Variants in SLC39A14 observed in about 807,000 individuals in gnomAD.
SLC39A14 encodes the protein metal cation symporter ZIP14.
A neutral mutation model predicts 45.5 loss-of-function variants in SLC39A14; 19 were observed. That is an observed-to-expected ratio of 0.42 (90% CI 0.29 to 0.61). The LOEUF (loss-of-function observed/expected upper bound fraction) is 0.61, where lower values mean the gene tolerates loss of function less well. SLC39A14 is among the 20% of genes least tolerant of loss of function. The pLI, the probability that SLC39A14 is intolerant of heterozygous loss-of-function variation, is 0.22. For missense variants in SLC39A14, 447 were observed against 616.5 expected (o/e 0.73, Z 2.91); for synonymous variants, 264 against 251.3 (o/e 1.05, Z -0.48).
At chr8:22,391,003 G>A (rs1329360493) in intron 1 of SLC39A14, among the ~76,000 whole-genome samples, 1 of 152,198 alleles carries the variant, frequency 6.6e-6, no homozygotes, top group African/African-American at 2.4e-5. Flanking sequence ...GCGGCTTCTT[G>A]TGCCATAGCT....
downstream of SLC39A14, among the ~76,000 whole-genome samples, chr8:22,425,894 TTTTTTG>T (rs1836378142): frequency 5.9e-5 from 8 of 135,804 alleles, no homozygotes; most frequent in Non-Finnish European, 9.8e-5. Context: ...TTTTTGTTTT[TTTTTTG>T]TTTTTTTTTG....
In SLC39A14 at chr8:22,404,672, T is replaced by G. The variant is rs565123486; in HGVS notation, c.-15-24T>G. On this transcript the variant is annotated intron_variant, in intron 1 of 8. Coordinates refer to ENST00000381237, the MANE Select transcript of SLC39A14 (RefSeq NM_001128431.4). ...CCGGCACACAGGGAGAGGCCTCAGCTTCACCTGCCTTTTTCTCTCACAGGT... is the reference window on the plus strand; with the variant it reads ...CCGGCACACAGGGAGAGGCCTCAGCGTCACCTGCCTTTTTCTCTCACAGGT... 344 of 1,595,864 alleles carry G rather than the reference T, an allele frequency of 2.2e-4. 2 individuals are homozygous for G. In the Middle Eastern group the frequency reaches 2.2e-3, roughly 10 times the overall value.
intron 1 of SLC39A14, among the ~76,000 whole-genome samples, chr8:22,371,466 C>T (rs1231826133): frequency 7.6e-6 from 1 of 130,954 alleles, no homozygotes; most frequent in Non-Finnish European, 1.6e-5. Flanking sequence ...CGGAGTCTCG[C>T]TCTGTCGCCC....
intron 1 of SLC39A14, among the ~76,000 whole-genome samples, chr8:22,394,567 C>T (rs1384802080): frequency 6.6e-6 from 1 of 152,106 alleles, no homozygotes; most frequent in East Asian, 1.9e-4. Context: ...GATCCGCCCG[C>T]CTCGGCCGCC....
intron 8 of SLC39A14, among the ~76,000 whole-genome samples, chr8:22,430,177 T>C (rs1171635963): frequency 6.6e-6 from 1 of 152,028 alleles, no homozygotes; most frequent in African/African-American, 2.4e-5. Flanking sequence ...CAGAGGTCAC[T>C]GCAGCTTCAA....
intron 1 of SLC39A14, among the ~76,000 whole-genome samples, chr8:22,400,474 A>T (rs748393947): frequency 1.2e-4 from 18 of 152,286 alleles, no homozygotes; most frequent in Middle Eastern, 3.4e-3. Context: ...GACAGTTCAC[A>T]GTCTGCTCTG....
At chr8:22,368,675 T>A (rs997167337) in intron 1 of SLC39A14, among the ~76,000 whole-genome samples, 4 of 152,140 alleles carry the variant, frequency 2.6e-5, no homozygotes, top group African/African-American at 9.7e-5. Context: ...TAGCTGGGAC[T>A]ACAGGCGCGT....
In SLC39A14 at chr8:22,384,987, T is replaced by C. The variant is rs559714642; in HGVS notation, c.-16+17579T>C. Among the ~76,000 whole-genome samples the C allele has an allele frequency of 1.4e-3, 214 of 151,646 alleles. 2 individuals carry two copies. The highest frequency in any genetic ancestry group is 4.3e-3 in the African/African-American group (179 of 41,308). The stretch of plus-strand genomic sequence containing the variant: ...ATTGCTTGAACCCGGGAGGCGGAGG[T>C]TGCAGTGAGCTGAGATCGCGCCACT... On this transcript the variant is annotated intron_variant, in intron 1 of 8. Coordinates refer to ENST00000381237, the MANE Select transcript of SLC39A14 (RefSeq NM_001128431.4).
chr8:22,403,162 GA>G (rs1277025464), intron 1 of SLC39A14, among the ~76,000 whole-genome samples: 1 of 152,144 alleles, frequency 6.6e-6, no homozygotes, highest in Non-Finnish European at 1.5e-5. Flanking sequence ...ATTTTTAGTA[GA>G]GATGGGGTTT....
intron 1 of SLC39A14, among the ~76,000 whole-genome samples, chr8:22,394,607 C>T (rs1429995497): frequency 2.0e-5 from 3 of 152,224 alleles, no homozygotes; most frequent in African/African-American, 7.2e-5. Context: ...GCGTGAGCCA[C>T]TGTGCCCGGC....
rs150377639 is a variant in SLC39A14 at position 22,404,954 on chromosome 8, G to C, written c.244G>C (p.Val82Leu). 6.2e-7 allele frequency: 1 copy of C among 1,613,964 alleles called. No homozygotes were observed. The highest frequency in any genetic ancestry group is 8.5e-7 in the Non-Finnish European group (1 of 1,180,034). ...GGGCCGGGGTAATGTCACCCAGCAC[G>C]TGCAAGGACACAGGAACCTCTCCAC... ...GVGRGNVTQH[V>L]QGHRNLSTCF... The change falls in exon 2 of 9, where the codon GTG becomes CTG. Residue 82 changes from valine to leucine, a missense_variant. Around this residue, in one of 2 missense-constraint regions of SLC39A14, gnomAD observed 342 missense variants for 428.1 expected, o/e 0.80. Coordinates refer to ENST00000381237, the MANE Select transcript of SLC39A14 (RefSeq NM_001128431.4).
At chr8:22,411,940 C>T in intron 3 of SLC39A14, 97 bp from the exon 4 acceptor site, 1 of 1,184,908 alleles carries the variant, frequency 8.4e-7, no homozygotes, top group South Asian at 1.6e-5. Context: ...TCCCTATCTG[C>T]TCCACCTTCC....
chr8:22,429,009 A>T (rs1004722486), intron 8 of SLC39A14, among the ~76,000 whole-genome samples: 1 of 151,974 alleles, frequency 6.6e-6, no homozygotes, highest in African/African-American at 2.4e-5. Context: ...GTGGTGGCTC[A>T]CGCCTGTAAT....
chr8:22,429,551 C>T (rs1191108862), intron 8 of SLC39A14, among the ~76,000 whole-genome samples: 5 of 152,196 alleles, frequency 3.3e-5, no homozygotes, highest in African/African-American at 1.2e-4. Flanking sequence ...CTGAAAAATA[C>T]ATGATTGCTC....
intron 1 of SLC39A14, among the ~76,000 whole-genome samples, chr8:22,370,137 GGTGGGT>G (rs1832848835): frequency 6.6e-6 from 1 of 152,078 alleles, no homozygotes; most frequent in African/African-American, 2.4e-5. Flanking sequence ...GTGCCTGGGT[GGTGGGT>G]GTGTGCTTGT....
chr8:22,376,859 C>A (rs2132175022), intron 1 of SLC39A14, among the ~76,000 whole-genome samples: 1 of 152,030 alleles, frequency 6.6e-6, no homozygotes, highest in East Asian at 1.9e-4. Context: ...GCCTGGGCAA[C>A]AGAGTGAGAC....
intron 1 of SLC39A14, chr8:22,398,733 C>T: frequency 3.0e-6 from 3 of 985,408 alleles, no homozygotes; most frequent in Non-Finnish European, 3.6e-6. Context: ...ATCACAGAAG[C>T]GTCTGTGCAG....
chr8:22,404,681 C>A lies in SLC39A14; in HGVS notation c.-15-15C>A, dbSNP rs750425993. 1 of 1,601,284 alleles carries A rather than the reference C, an allele frequency of 6.2e-7. No individual in the cohort carries two copies. Among genetic ancestry groups the A allele is most frequent in the South Asian group, 1.1e-5 (1 of 89,766 alleles). On this transcript the variant is annotated splice_polypyrimidine_tract_variant and intron_variant, in intron 1 of 8. Transcript: ENST00000381237. ...AGGGAGAGGCCTCAGCTTCACCTGC[C>A]TTTTTCTCTCACAGGTTTATTCAGT...
Position 22,377,766 on chromosome 8 carries a change from G to A in SLC39A14, c.-16+10358G>A, listed in dbSNP as rs1003384261. 2.0e-5 allele frequency among the ~76,000 whole-genome samples: 3 copies of A among 152,052 alleles called. No individual in the cohort carries two copies. In the East Asian group the frequency reaches 5.8e-4, roughly 29 times the overall value. On this transcript the variant is annotated intron_variant, in intron 1 of 8. Coordinates refer to ENST00000381237, the MANE Select transcript of SLC39A14 (RefSeq NM_001128431.4). Reference sequence around the variant, plus strand: ...GACTATAGATTATTTGACTCAACTCGCCTTTGAGATGATAACATCTGGAGG... The same window carrying A: ...GACTATAGATTATTTGACTCAACTCACCTTTGAGATGATAACATCTGGAGG...
Sources: gnomAD v4.1 joint callset for allele counts (sites outside exome capture counted in the v4.1 genomes callset) on GRCh38, gnomAD v4.1.1 for gene constraint, gnomAD v4.1.1 regional missense constraint, MANE v1.5 for transcripts, NCBI Gene and HGNC (gene_info 2026-07-23, HGNC 2026-07-21) for gene names.